PUDP: variants seen among roughly 807,000 people sequenced by gnomAD.
The protein encoded by PUDP is pseudouridine-5'-phosphatase.
PUDP carries 8 observed loss-of-function variants against 9.4 expected under a neutral mutation model. The observed-to-expected ratio is 0.85, with a 90% CI of 0.50 to 1.53. PUDP has a LOEUF of 1.53. Ranked by LOEUF, PUDP falls within the 40% of genes most tolerant of loss-of-function variation. PUDP has a pLI of 0.00. For missense variants in PUDP, 188 were observed against 189.7 expected (o/e 0.99, Z 0.05); for synonymous variants, 99 against 80.7 (o/e 1.23, Z -1.22).
At chrX:6,891,536 G>C (rs1398981943) in intron 3 of PUDP, among the ~76,000 whole-genome samples, 1 of 112,044 alleles carries the variant, frequency 8.9e-6, no homozygotes, top group African/African-American at 3.2e-5. Flanking sequence ...GTTCTCCCCA[G>C]CTCCCAACTC....
At chrX:6,832,701 G>A (rs1363936957) in intron 3 of PUDP, among the ~76,000 whole-genome samples, 5 of 111,614 alleles carry the variant, frequency 4.5e-5, no homozygotes, top group African/African-American at 1.3e-4. Context: ...AAGCCCTTCC[G>A]GGGAGTAACT....
At chrX:6,824,353 A>G (rs1295337207) in intron 3 of PUDP, among the ~76,000 whole-genome samples, 4 of 111,763 alleles carry the variant, frequency 3.6e-5, no homozygotes, top group African/African-American at 1.3e-4. Context: ...TCTTTCCTTT[A>G]TAAATTACCC....
In PUDP at chrX:6,720,256, G is replaced by GTGTA. The variant is rs1176103176; in HGVS notation, n.128+1157_128+1160dup. On this transcript the variant is annotated intron_variant and non_coding_transcript_variant, in intron 1 of 2. Transcript: ENST00000438499. ...TGTGTATATATGTATGTGTGTGTGT[G>GTGTA]TGTATATATATATATATATATATAT... 8.1e-5 allele frequency among the ~76,000 whole-genome samples: 3 copies of GTGTA among 37,144 alleles called. No homozygotes were observed. The East Asian group carries it at 5.1e-3, about 63-fold the overall frequency. 32.3% of individuals were successfully genotyped at this position (37,144 alleles called of 115,157 possible).
intron 3 of PUDP, among the ~76,000 whole-genome samples, chrX:6,774,553 T>C (rs979072633): frequency 1.8e-5 from 2 of 112,347 alleles, no homozygotes; most frequent in African/African-American, 6.4e-5. Context: ...CCAGTGCTCC[T>C]GAAGCTTTGT....
chrX:7,116,463 G>A (rs960173638), intron 1 of PUDP, among the ~76,000 whole-genome samples: 6 of 111,331 alleles, frequency 5.4e-5, no homozygotes, highest in Non-Finnish European at 9.4e-5. Context: ...TTGGCCATCC[G>A]TTAGCAAACC....
At chrX:6,725,628 A>G (rs1434211381), upstream of PUDP, among the ~76,000 whole-genome samples, 1 of 112,348 alleles carries the variant, frequency 8.9e-6, no homozygotes, top group Non-Finnish European at 1.9e-5. Flanking sequence ...GTTCAAAAGA[A>G]GACATAAAAA....
intron 1 of PUDP, 47 bp downstream of exon 1, chrX:7,148,006 C>A (rs1158849981): frequency 3.9e-6 from 4 of 1,029,742 alleles, no homozygotes; most frequent in Non-Finnish European, 5.3e-6. Context: ...GTCCCCACGC[C>A]CACACAAGAC....
At chrX:7,087,913 C>T (rs1343310518) in intron 2 of PUDP, among the ~76,000 whole-genome samples, 1 of 111,204 alleles carries the variant, frequency 9.0e-6, no homozygotes, top group Non-Finnish European at 1.9e-5. Context: ...TGTGATCGGC[C>T]TAAACTCCTC....
At chrX:6,845,226 G>A (rs1035582170) in intron 3 of PUDP, among the ~76,000 whole-genome samples, 29 of 111,812 alleles carry the variant, frequency 2.6e-4, no homozygotes, top group African/African-American at 9.1e-4. Flanking sequence ...AAGGTATATG[G>A]AATATAAGAC....
intron 3 of PUDP, among the ~76,000 whole-genome samples, chrX:6,736,952 ACT>A (rs1323937840): frequency 1.7e-4 from 19 of 111,769 alleles, no homozygotes; most frequent in Non-Finnish European, 3.6e-4. Flanking sequence ...AACACCTGAA[ACT>A]CACAATTTTC....
At chrX:6,915,001 T>C (rs1249899194) in intron 3 of PUDP, among the ~76,000 whole-genome samples, 3 of 112,384 alleles carry the variant, frequency 2.7e-5, no homozygotes, top group Non-Finnish European at 5.6e-5. Flanking sequence ...TCAATTTCCA[T>C]GTATAGCAAC....
At chrX:6,838,668 G>A (rs1375146901) in intron 3 of PUDP, among the ~76,000 whole-genome samples, 2 of 112,128 alleles carry the variant, frequency 1.8e-5, no homozygotes, top group Non-Finnish European at 3.8e-5. Flanking sequence ...CCAGCTGGAT[G>A]AATAACATGA....
chrX:7,048,856 T>C (rs757202583), downstream of PUDP: 2 of 112,467 alleles, frequency 1.8e-5, no homozygotes, highest in Non-Finnish European at 3.7e-5. Context: ...CATATATATT[T>C]TACATTTCTT....
At chrX:7,072,248 G>A (rs951806323) in intron 3 of PUDP, among the ~76,000 whole-genome samples, 2 of 111,201 alleles carry the variant, frequency 1.8e-5, no homozygotes, top group African/African-American at 6.6e-5. Context: ...AATCTACCAC[G>A]TCCCTTGTTT....
chrX:6,858,319 TTTC>T (rs1353149358), intron 3 of PUDP, among the ~76,000 whole-genome samples: 1 of 92,913 alleles, frequency 1.1e-5, no homozygotes, highest in Non-Finnish European at 2.2e-5. Flanking sequence ...TTTTTTTTTC[TTTC>T]TTTTTTTTTT....
chrX:6,858,879 A>G (rs186100553), intron 3 of PUDP, among the ~76,000 whole-genome samples: 1 of 111,371 alleles, frequency 9.0e-6, no homozygotes, highest in African/African-American at 3.3e-5. Context: ...ATGGCAGTAC[A>G]CTCAGTTGGG....
intron 3 of PUDP, chrX:7,057,740 A>G: frequency 8.7e-7 from 1 of 1,154,486 alleles, no homozygotes. Flanking sequence ...GCAGTTGATT[A>G]CACAGAAGGA....
chrX:7,099,240 T>C (rs753176050), intron 2 of PUDP, among the ~76,000 whole-genome samples: 1 of 112,955 alleles, frequency 8.9e-6, no homozygotes, highest in Non-Finnish European at 1.9e-5. Flanking sequence ...CAAGATACAA[T>C]GGAGGTAACC....
chrX:7,004,104 G>C (rs1929368340), intron 1 of PUDP, among the ~76,000 whole-genome samples: 1 of 111,142 alleles, frequency 9.0e-6, no homozygotes, highest in African/African-American at 3.3e-5. Context: ...TTGAACTCCT[G>C]GACTCAAGTG....
Sources: allele counts gnomAD v4.1 joint callset (sites outside exome capture counted in the v4.1 genomes callset), GRCh38; gene constraint gnomAD v4.1.1; transcripts MANE v1.5; gene names NCBI Gene and HGNC (gene_info 2026-07-23, HGNC 2026-07-21).